The following TRMT11 variants were observed in gnomAD, a reference collection of about 807,000 sequenced individuals.
TRMT11 encodes tRNA methyltransferase 11, also known as tRNA (guanine(10)-N(2))-methyltransferase TRMT11.
TRMT11 carries 53 observed loss-of-function variants against 62.8 expected under a neutral mutation model. The observed-to-expected ratio is 0.84, with a 90% CI of 0.68 to 1.06. The LOEUF is 1.06. Among genes scored for constraint, TRMT11 ranks in the 50% least tolerant of loss-of-function variants. The pLI, the probability that TRMT11 is intolerant of heterozygous loss-of-function variation, is 0.00. For missense variants in TRMT11, 556 were observed against 553.4 expected (o/e 1.00, Z -0.05); for synonymous variants, 188 against 190.3 (o/e 0.99, Z 0.10).
At chr6:126,060,153 C>T (rs530267804) in intron 17 of TRMT11, among the ~76,000 whole-genome samples, 5 of 152,234 alleles carry the variant, frequency 3.3e-5, no homozygotes, top group African/African-American at 1.2e-4. Context: ...CTGAAAAGCA[C>T]GGGGACTTTT....
chr6:126,067,945 A>G (rs1776738274), intron 17 of TRMT11, among the ~76,000 whole-genome samples: 1 of 152,216 alleles, frequency 6.6e-6, no homozygotes, highest in Non-Finnish European at 1.5e-5. Context: ...TTTCCATGCC[A>G]TACAATTCAC....
At chr6:126,209,443 G>T in the TRMT11 span, among the ~76,000 whole-genome samples, 1 of 151,742 alleles carries the variant, frequency 6.6e-6, no homozygotes, top group Non-Finnish European at 1.5e-5. Flanking sequence ...GGTGTAGGCC[G>T]GGCGCGGTGG....
downstream of TRMT11, among the ~76,000 whole-genome samples, chr6:126,206,768 G>A (rs1437717186): frequency 1.3e-5 from 2 of 152,166 alleles, no homozygotes; most frequent in African/African-American, 4.8e-5. Context: ...CAGAGAATAT[G>A]TGATCATTAA....
intron 17 of TRMT11, among the ~76,000 whole-genome samples, chr6:126,094,419 G>A (rs1777317668): frequency 6.6e-6 from 1 of 152,154 alleles, no homozygotes; most frequent in Non-Finnish European, 1.5e-5. Flanking sequence ...GCAAATTTTT[G>A]TGTCAGTGTT....
intron 17 of TRMT11, among the ~76,000 whole-genome samples, chr6:126,112,586 C>CA (rs1293128378): frequency 6.6e-6 from 1 of 152,084 alleles, no homozygotes; most frequent in Non-Finnish European, 1.5e-5. Flanking sequence ...TTGCCATCTG[C>CA]AATGATCGGT....
At chr6:126,120,091 T>C (rs930396589) in intron 21 of TRMT11, among the ~76,000 whole-genome samples, 1 of 151,918 alleles carries the variant, frequency 6.6e-6, no homozygotes, top group South Asian at 2.1e-4. Context: ...CTGACCAACA[T>C]GGTGAAATTT....
At chr6:126,194,309 T>C (rs1253099981) in intron 1 of TRMT11, among the ~76,000 whole-genome samples, 1 of 152,232 alleles carries the variant, frequency 6.6e-6, no homozygotes, top group Non-Finnish European at 1.5e-5. Context: ...TCTTAATATG[T>C]GCTTTATATG....
At chr6:126,207,311 G>T (rs1027622112), downstream of TRMT11, among the ~76,000 whole-genome samples, 1 of 152,120 alleles carries the variant, frequency 6.6e-6, no homozygotes, top group Non-Finnish European at 1.5e-5. Flanking sequence ...TCATGGAGCT[G>T]GTAGAAGACA....
chr6:126,010,842 C>T (rs6920788), intron 8 of TRMT11, among the ~76,000 whole-genome samples: 123,577 of 152,016 alleles, frequency 0.81, 51,163 homozygotes, highest in East Asian at 1. Flanking sequence ...GCCTCCCTTC[C>T]TCATGGTCAC....
chr6:126,074,902 T>C (rs1776973332), intron 17 of TRMT11, among the ~76,000 whole-genome samples: 1 of 152,198 alleles, frequency 6.6e-6, no homozygotes, highest in South Asian at 2.1e-4. Flanking sequence ...CAGTTCATTT[T>C]TTAATTTATT....
At chr6:126,006,607 T>TG (rs1175413976) in intron 7 of TRMT11, among the ~76,000 whole-genome samples, 1 of 151,552 alleles carries the variant, frequency 6.6e-6, no homozygotes, top group Admixed American at 6.6e-5. Flanking sequence ...CCTTTTTTTT[T>TG]TAGCACCCCT....
intron 1 of TRMT11, among the ~76,000 whole-genome samples, chr6:126,181,079 A>G (rs959944370): frequency 3.3e-5 from 5 of 152,170 alleles, no homozygotes; most frequent in Non-Finnish European, 7.4e-5. Flanking sequence ...TTTTTAAAGG[A>G]ATATTTTAGT....
chr6:126,098,454 A>G (rs1215164053), intron 17 of TRMT11, among the ~76,000 whole-genome samples: 3 of 152,180 alleles, frequency 2.0e-5, no homozygotes, highest in Admixed American at 2.0e-4. Flanking sequence ...TTATAATGGA[A>G]AAGAAGGAAT....
intron 17 of TRMT11, among the ~76,000 whole-genome samples, chr6:126,069,855 G>GTTT (rs113950068): frequency 1.5e-5 from 2 of 134,974 alleles, no homozygotes; most frequent in Non-Finnish European, 3.3e-5. Context: ...GTAGATGAAG[G>GTTT]TTTTTTTTTT....
At chr6:126,225,542 T>TC in the TRMT11 span, among the ~76,000 whole-genome samples, 2 of 152,122 alleles carry the variant, frequency 1.3e-5, no homozygotes, top group East Asian at 3.9e-4. Context: ...GAGATGCTCT[T>TC]CCCGGCTGCA....
chr6:126,265,555 A>G, the TRMT11 span, among the ~76,000 whole-genome samples: 3 of 152,168 alleles, frequency 2.0e-5, no homozygotes, highest in African/African-American at 4.8e-5. Flanking sequence ...AATTACATGT[A>G]AATTCTTCAT....
chr6:125,999,508 C>G lies in TRMT11; in HGVS notation c.574C>G (p.His192Asp), dbSNP rs751794112. 9.3e-6 allele frequency: 15 copies of G among 1,611,024 alleles called. No individual in the cohort carries two copies. The Admixed American group carries it at 2.2e-4, about 23-fold the overall frequency. Residue 192 changes from histidine (H) to aspartate (D), a missense_variant, in exon 7 of 13, where the codon CAC (histidine) becomes GAC (aspartate). Physicochemically the swap from His to Asp is moderately conservative, Grantham distance 81. Transcript: ENST00000334379. ...TGAGTCATACAGTGTCAAAAAGAGA[C>G]ACTTTATTGGAAATACAAGTATGGA... ...LIESYSVKKR[H>D]FIGNTSMDAG...
chr6:126,125,548 C>G (rs759620419), intron 21 of TRMT11, among the ~76,000 whole-genome samples: 2 of 151,942 alleles, frequency 1.3e-5, no homozygotes, highest in Non-Finnish European at 2.9e-5. Context: ...GGATATTTAT[C>G]AAGGTTCTAT....
intron 17 of TRMT11, among the ~76,000 whole-genome samples, chr6:126,057,586 G>A (rs1415343680): frequency 5.3e-5 from 8 of 152,180 alleles, no homozygotes. Flanking sequence ...GAACCAAACA[G>A]GCTTGGTTAA....
Sources: allele counts gnomAD v4.1 joint callset (sites outside exome capture counted in the v4.1 genomes callset), GRCh38; gene constraint gnomAD v4.1.1; transcripts MANE v1.5; gene names NCBI Gene and HGNC (gene_info 2026-07-23, HGNC 2026-07-21).